CRIM1: variants seen among roughly 807,000 people sequenced by gnomAD.
CRIM1 encodes cysteine rich transmembrane BMP regulator 1.
In CRIM1, 32 loss-of-function variants were observed where a neutral mutation model predicts 116.4. That is an observed-to-expected ratio of 0.27 (90% CI 0.21 to 0.37). The LOEUF (loss-of-function observed/expected upper bound fraction) is 0.37, where lower values mean the gene tolerates loss of function less well. CRIM1 is among the 10% of genes least tolerant of loss of function. The pLI is 1.00. For missense variants in CRIM1, 1,331 were observed against 1,354.8 expected, an observed-to-expected ratio of 0.98 and a Z score of 0.28; for synonymous variants, 590 against 509.2, an observed-to-expected ratio of 1.16 and a Z score of -2.13.
chr2:36,454,055 T>C (rs1311925152), intron 4 of CRIM1, among the ~76,000 whole-genome samples: 2 of 152,142 alleles, frequency 1.3e-5, no homozygotes, highest in African/African-American at 2.4e-5. Context: ...TTAAGGTGTT[T>C]TGTTACTTTC....
At chr2:36,474,322 T>C (rs1013924385) in intron 5 of CRIM1, among the ~76,000 whole-genome samples, 1 of 152,220 alleles carries the variant, frequency 6.6e-6, no homozygotes, top group Non-Finnish European at 1.5e-5. Flanking sequence ...CCAAAATTGA[T>C]GAAGTCCAGT....
chr2:36,383,803 A>C (rs1196508053), intron 1 of CRIM1, among the ~76,000 whole-genome samples: 1 of 151,862 alleles, frequency 6.6e-6, no homozygotes, highest in African/African-American at 2.4e-5. Context: ...AGACCGGAGG[A>C]AAAAAAAGTG....
chr2:36,463,227 C>T (rs1677718844), intron 4 of CRIM1, among the ~76,000 whole-genome samples: 1 of 152,086 alleles, frequency 6.6e-6, no homozygotes, highest in African/African-American at 2.4e-5. Context: ...TTTTCTAGTT[C>T]CATGGTTAAC....
At chr2:36,477,725 G>A (rs1470680895) in intron 6 of CRIM1, among the ~76,000 whole-genome samples, 1 of 152,164 alleles carries the variant, frequency 6.6e-6, no homozygotes, top group Non-Finnish European at 1.5e-5. Context: ...TCCTTCAACA[G>A]GCTGCATCTT....
chr2:36,398,130 T>C (rs913542822), intron 2 of CRIM1, among the ~76,000 whole-genome samples: 1 of 152,358 alleles, frequency 6.6e-6, no homozygotes, highest in Non-Finnish European at 1.5e-5. Flanking sequence ...TCTGTTTACA[T>C]AGTTAATAAT....
chr2:36,543,962 T>G (rs1667136921), intron 14 of CRIM1, among the ~76,000 whole-genome samples: 1 of 152,184 alleles, frequency 6.6e-6, no homozygotes, highest in African/African-American at 2.4e-5. Context: ...TTTAACTTTT[T>G]CAAGTTTTGC....
intron 1 of CRIM1, among the ~76,000 whole-genome samples, chr2:36,357,289 G>C (rs552386280): frequency 6.6e-6 from 1 of 152,160 alleles, no homozygotes; most frequent in Admixed American, 6.5e-5. Context: ...GAAAGGAAAG[G>C]GGGGTGGGGG....
chr2:36,537,798 T>C (rs917221012), intron 14 of CRIM1, among the ~76,000 whole-genome samples: 4 of 152,310 alleles, frequency 2.6e-5, no homozygotes, highest in South Asian at 2.1e-4. Flanking sequence ...CTCTAAACTT[T>C]AGTATAACCA....
intron 2 of CRIM1, among the ~76,000 whole-genome samples, chr2:36,400,884 G>A (rs537528469): frequency 2.7e-4 from 41 of 152,204 alleles, no homozygotes; most frequent in East Asian, 1.9e-4. Context: ...ACTTGCTCTC[G>A]AATCTCTTAC....
At chr2:36,501,791 A>T (rs935376080) in intron 8 of CRIM1, among the ~76,000 whole-genome samples, 6 of 152,064 alleles carry the variant, frequency 3.9e-5, no homozygotes, top group African/African-American at 1.4e-4. Context: ...ATTTCCTATA[A>T]GCCTCTACCC....
chr2:36,549,482 T>TTTTA lies in CRIM1; in HGVS notation c.*782_*785dup, dbSNP rs1018241193. The TTTTA allele has an allele frequency of 3.9e-5, 6 of 152,728 alleles. No individual in the cohort carries two copies. Among genetic ancestry groups the TTTTA allele is most frequent in the African/African-American group, 1.4e-4 (6 of 41,540 alleles). 9.5% of individuals were successfully genotyped at this position (152,728 alleles called of 1,614,324 possible). Reference sequence around the variant, plus strand: ...GATGTGAGCACTGGAGCTTTTTTTTTTTTACAACGTGACAGGAAGAGGAGG... The same window carrying TTTTA: ...GATGTGAGCACTGGAGCTTTTTTTTTTTTATTTACAACGTGACAGGAAGAGGAGG... On this transcript the variant is annotated 3_prime_UTR_variant, in exon 17 of 17. Coordinates refer to ENST00000280527, the MANE Select transcript of CRIM1 (RefSeq NM_016441.3).
chr2:36,441,436 C>G lies in CRIM1; in HGVS notation c.684C>G (p.Asn228Lys). 1 of 1,614,030 alleles carries G rather than the reference C, an allele frequency of 6.2e-7. No individual in the cohort carries two copies. Among genetic ancestry groups the G allele is most frequent in the Non-Finnish European group, 8.5e-7 (1 of 1,180,036 alleles). The change falls in exon 3 of 17, where the codon AAC becomes AAG. Residue 228 changes from asparagine to lysine, a missense_variant. This residue lies in a region of CRIM1 where 690 missense variants were observed against 676.0 expected (regional missense o/e 1.02). Coordinates refer to ENST00000280527, the MANE Select transcript of CRIM1 (RefSeq NM_016441.3). ...LRKVCQPGNL[N>K]ILVSKASGKP... Reference sequence around the variant, plus strand: ...AAGTCTGCCAGCCGGGAAACCTGAACATACTAGTGTCAAAAGCCTCAGGGA... The same window carrying G: ...AAGTCTGCCAGCCGGGAAACCTGAAGATACTAGTGTCAAAAGCCTCAGGGA...
chr2:36,365,500 G>A (rs1196771640), intron 1 of CRIM1, among the ~76,000 whole-genome samples: 2 of 152,190 alleles, frequency 1.3e-5, no homozygotes, highest in East Asian at 3.9e-4. Flanking sequence ...AGGAGAGGGT[G>A]TGAGGGCCAG....
At chr2:36,510,167 A>T (rs768277117) in intron 9 of CRIM1, 28 bp downstream of exon 9, 2 of 1,597,262 alleles carry the variant, frequency 1.3e-6, no homozygotes, top group African/African-American at 2.7e-5. Context: ...CAGAAAAGCT[A>T]TTATGAAGTG....
Position 36,378,895 on chromosome 2 carries a change from A to G in CRIM1, c.332-17719A>G, listed in dbSNP as rs535236574. ...TCATATCTACAAAGGTGACAAGAAC[A>G]TGAACCTGCAGTCCTGTTATCAGCA... is the stretch of plus-strand genomic sequence containing the variant. On this transcript the variant is annotated intron_variant, in intron 1 of 16. Coordinates refer to ENST00000280527, the MANE Select transcript of CRIM1 (RefSeq NM_016441.3). 5 of 151,574 alleles carry G rather than the reference A, an allele frequency of 3.3e-5. No homozygotes were observed. The South Asian group carries it at 1.0e-3, about 32-fold the overall frequency. The allele number at this position is 151,574 out of a possible 1,614,324, so 9.4% of individuals were successfully genotyped here.
intron 1 of CRIM1, among the ~76,000 whole-genome samples, chr2:36,379,593 T>C (rs1670574085): frequency 6.6e-6 from 1 of 152,190 alleles, no homozygotes; most frequent in Non-Finnish European, 1.5e-5. Flanking sequence ...TGAAGGGTAA[T>C]ATGTACTTGG....
At chr2:36,544,152 T>C (rs984661570) in intron 14 of CRIM1, among the ~76,000 whole-genome samples, 1 of 152,100 alleles carries the variant, frequency 6.6e-6, no homozygotes, top group Non-Finnish European at 1.5e-5. Flanking sequence ...CCTGGTGGAG[T>C]AGAGAATTCT....
Position 36,549,661 on chromosome 2 carries a change from CTTAT to C in CRIM1, c.*962_*965del, listed in dbSNP as rs1667610139. ...AAAGACTGTTTGGGGATTCTTTTTC[CTTAT>C]TATATACTGATTCTACAAAATAGAA... On this transcript the variant is annotated 3_prime_UTR_variant, in exon 17 of 17. Transcript: ENST00000280527. 6.6e-6 allele frequency: 1 copy of C among 152,230 alleles called. No homozygotes were observed. Among genetic ancestry groups the C allele is most frequent in the Admixed American group, 6.6e-5 (1 of 15,258 alleles). 9.4% of individuals were successfully genotyped at this position (152,230 alleles called of 1,614,324 possible). A position where few individuals can be genotyped will look rare whatever the true frequency, so the allele number is the denominator to read the frequency against.
chr2:36,458,247 T>C (rs1677299055), intron 4 of CRIM1, among the ~76,000 whole-genome samples: 1 of 152,120 alleles, frequency 6.6e-6, no homozygotes, highest in South Asian at 2.1e-4. Flanking sequence ...CTATGGGGAA[T>C]GTTAGGATAA....
Sources: gnomAD v4.1 joint callset for allele counts (sites outside exome capture counted in the v4.1 genomes callset) on GRCh38, gnomAD v4.1.1 for gene constraint, gnomAD v4.1.1 regional missense constraint, MANE v1.5 for transcripts, NCBI Gene and HGNC (gene_info 2026-07-23, HGNC 2026-07-21) for gene names.